SLC25A21: variants seen among roughly 807,000 people sequenced by gnomAD.
The protein encoded by SLC25A21 is solute carrier family 25 member 21.
In SLC25A21, 47 loss-of-function variants were observed where a neutral mutation model predicts 43.8. The observed-to-expected ratio is 1.07, with a 90% CI of 0.85 to 1.37. The LOEUF (loss-of-function observed/expected upper bound fraction) is 1.37, where lower values mean the gene tolerates loss of function less well. Ranked by LOEUF, SLC25A21 falls within the 40% of genes most tolerant of loss-of-function variation. The pLI is 0.00. For missense variants in SLC25A21, 352 were observed against 350.2 expected (o/e 1.00, Z -0.04); for synonymous variants, 131 against 121.3 (o/e 1.08, Z -0.52).
rs1012105956 is a variant in SLC25A21 at position 37,048,535 on chromosome 14, C to A, written c.70+123746G>T. Among the ~76,000 whole-genome samples, 4 of 151,866 alleles carry A rather than the reference C, an allele frequency of 2.6e-5. No individual in the cohort carries two copies. In the South Asian group the frequency reaches 8.3e-4, roughly 32 times the overall value. On this transcript the variant is annotated intron_variant, in intron 1 of 9. Transcript: ENST00000331299. ...GAGAAAGTGGCACCACCTAAATTGACCTACATTATTCAACAGATTCAAAAA... is the reference window on the plus strand; with the variant it reads ...GAGAAAGTGGCACCACCTAAATTGAACTACATTATTCAACAGATTCAAAAA...
chr14:36,850,371 A>T (rs1488711329), intron 2 of SLC25A21, among the ~76,000 whole-genome samples: 1 of 152,188 alleles, frequency 6.6e-6, no homozygotes, highest in Admixed American at 6.5e-5. Flanking sequence ...AAAACTGGAG[A>T]TCAGTCAAGT....
intron 7 of SLC25A21, among the ~76,000 whole-genome samples, chr14:36,706,165 G>T (rs1345262545): frequency 6.6e-6 from 1 of 152,062 alleles, no homozygotes; most frequent in Non-Finnish European, 1.5e-5. Context: ...ATAGTTCGGG[G>T]GAAAAAATTC....
intron 7 of SLC25A21, among the ~76,000 whole-genome samples, chr14:36,685,616 A>C (rs965024283): frequency 6.6e-6 from 1 of 152,196 alleles, no homozygotes. Flanking sequence ...ATGGCAAAGG[A>C]AGAAAAGGAG....
At chr14:36,879,510 C>A (rs17105625) in intron 1 of SLC25A21, among the ~76,000 whole-genome samples, 4,010 of 152,118 alleles carry the variant, frequency 0.026, 181 homozygotes, top group African/African-American at 0.089. Context: ...GTGAGCATGA[C>A]TATATCTCTA....
At chr14:36,716,523 A>G (rs1178471293) in intron 6 of SLC25A21, among the ~76,000 whole-genome samples, 1 of 152,174 alleles carries the variant, frequency 6.6e-6, no homozygotes, top group Non-Finnish European at 1.5e-5. Context: ...TAAACCTCAA[A>G]TATATCTAAT....
chr14:37,073,304 C>T (rs1962212160), intron 1 of SLC25A21, among the ~76,000 whole-genome samples: 1 of 152,160 alleles, frequency 6.6e-6, no homozygotes, highest in East Asian at 1.9e-4. Context: ...ATTCTTTTTC[C>T]AATCCACTAT....
intron 1 of SLC25A21, among the ~76,000 whole-genome samples, chr14:37,096,239 G>A (rs960150589): frequency 3.3e-5 from 5 of 152,104 alleles, no homozygotes; most frequent in Admixed American, 1.3e-4. Flanking sequence ...ATGCATTGCC[G>A]TTTTATTGAA....
intron 2 of SLC25A21, among the ~76,000 whole-genome samples, chr14:36,830,972 A>G (rs1889020044): frequency 6.6e-6 from 1 of 152,260 alleles, no homozygotes. Context: ...AAGTGTGTTT[A>G]GAGATCAGGC....
At chr14:37,044,415 A>G (rs1293474477) in intron 1 of SLC25A21, among the ~76,000 whole-genome samples, 2 of 152,208 alleles carry the variant, frequency 1.3e-5, no homozygotes, top group African/African-American at 4.8e-5. Flanking sequence ...GAAAACTAAT[A>G]GTGGACTATT....
chr14:37,029,899 G>C (rs1486834019), intron 1 of SLC25A21, among the ~76,000 whole-genome samples: 4 of 151,622 alleles, frequency 2.6e-5, no homozygotes, highest in African/African-American at 4.9e-5. Context: ...CAAGTAGCGG[G>C]GATTACAAGC....
At chr14:36,950,448 T>C (rs1034888543) in intron 1 of SLC25A21, among the ~76,000 whole-genome samples, 3 of 152,258 alleles carry the variant, frequency 2.0e-5, no homozygotes, top group African/African-American at 7.2e-5. Context: ...GAAGGTCACA[T>C]GAGAACATAG....
At chr14:36,691,694 T>TTAAAAA (rs1257131276) in intron 7 of SLC25A21, among the ~76,000 whole-genome samples, 1 of 152,106 alleles carries the variant, frequency 6.6e-6, no homozygotes. Context: ...TTTAGAAAAA[T>TTAAAAA]TAAAAATAAA....
At chr14:37,138,162 A>C (rs1343887671) in intron 1 of SLC25A21, among the ~76,000 whole-genome samples, 2 of 152,178 alleles carry the variant, frequency 1.3e-5, no homozygotes, top group African/African-American at 4.8e-5. Flanking sequence ...ACACGCATTT[A>C]TTCCCAGGTG....
chr14:36,974,340 C>A (rs911964995), intron 1 of SLC25A21, among the ~76,000 whole-genome samples: 2 of 152,302 alleles, frequency 1.3e-5, no homozygotes, highest in Admixed American at 1.3e-4. Context: ...TCTACTCCTT[C>A]ATTTCTATTT....
intron 1 of SLC25A21, among the ~76,000 whole-genome samples, chr14:37,140,947 G>A (rs1287641796): frequency 6.6e-6 from 1 of 152,090 alleles, no homozygotes; most frequent in African/African-American, 2.4e-5. Flanking sequence ...AGGAGTTCGA[G>A]ACCAACCTTG....
At chr14:36,783,598 ATTCATAGACCAACAGGG>A (rs1339963462) in intron 3 of SLC25A21, among the ~76,000 whole-genome samples, 1 of 152,094 alleles carries the variant, frequency 6.6e-6, no homozygotes, top group Admixed American at 6.6e-5. Context: ...CTATGGGAGG[ATTCATAGACCAACAGGG>A]TCTCTTTTGG....
chr14:37,082,870 T>A (rs1443175140), intron 1 of SLC25A21, among the ~76,000 whole-genome samples: 1 of 152,240 alleles, frequency 6.6e-6, no homozygotes, highest in African/African-American at 2.4e-5. Flanking sequence ...TATTTTGAAC[T>A]TTGCTTTCAA....
At chr14:37,144,380 C>T (rs898645859) in intron 1 of SLC25A21, among the ~76,000 whole-genome samples, 1 of 152,274 alleles carries the variant, frequency 6.6e-6, no homozygotes, top group South Asian at 2.1e-4. Context: ...AATACCTACA[C>T]ACATATACAT....
intron 3 of SLC25A21, among the ~76,000 whole-genome samples, chr14:36,743,442 A>AC (rs1885357584): frequency 6.6e-6 from 1 of 152,062 alleles, no homozygotes; most frequent in African/African-American, 2.4e-5. Context: ...CAAGAAAAAA[A>AC]AACAACTCTA....
Sources: gnomAD v4.1 joint callset for allele counts (sites outside exome capture counted in the v4.1 genomes callset) on GRCh38, gnomAD v4.1.1 for gene constraint, MANE v1.5 for transcripts, NCBI Gene and HGNC (gene_info 2026-07-23, HGNC 2026-07-21) for gene names.